The following PRIM2 variants were observed in gnomAD, a reference collection of about 807,000 sequenced individuals.
The protein encoded by PRIM2 is DNA primase subunit 2, also known as DNA primase large subunit.
In PRIM2, 39 loss-of-function variants were observed where a neutral mutation model predicts 67.3. The ratio of observed to expected loss-of-function variants is 0.58; its 90% CI spans 0.45 to 0.76. The LOEUF (loss-of-function observed/expected upper bound fraction) is 0.76. Ranked by LOEUF, PRIM2 falls within the 30% of genes least tolerant of loss-of-function variation. PRIM2 has a pLI of 0.00. For synonymous variants in PRIM2, 143 were observed against 198.7 expected (o/e 0.72, Z 2.36); for missense variants, 398 against 598.7 (o/e 0.66, Z 3.50).
chr6:57,301,570 G>A, the PRIM2 span, among the ~76,000 whole-genome samples: 1 of 152,282 alleles, frequency 6.6e-6, no homozygotes, highest in East Asian at 1.9e-4. Context: ...GGGAGGCCAA[G>A]GCAGGCGGAT....
intron 12 of PRIM2, among the ~76,000 whole-genome samples, chr6:57,609,689 C>G (rs1776630260): frequency 1.3e-5 from 2 of 152,052 alleles, no homozygotes; most frequent in African/African-American, 4.8e-5. Flanking sequence ...TTCACATTAC[C>G]CTTTAGACCT....
chr6:57,517,532 A>G (rs1774511692), intron 8 of PRIM2, among the ~76,000 whole-genome samples: 1 of 152,148 alleles, frequency 6.6e-6, no homozygotes, highest in Admixed American at 6.5e-5. Context: ...ATTTTATTTA[A>G]TTTTAATTAA....
chr6:57,338,246 C>A (rs1277164855), intron 5 of PRIM2, among the ~76,000 whole-genome samples: 1 of 152,058 alleles, frequency 6.6e-6, no homozygotes, highest in East Asian at 1.9e-4. Flanking sequence ...AGTCCAGGAC[C>A]AGATGGATTC....
At chr6:57,535,694 G>A (rs1398987007) in intron 9 of PRIM2, among the ~76,000 whole-genome samples, 50 of 152,062 alleles carry the variant, frequency 3.3e-4, no homozygotes, top group Non-Finnish European at 1.5e-4. Context: ...GTGAAACTCT[G>A]TCTCTACTAC....
intron 10 of PRIM2, among the ~76,000 whole-genome samples, chr6:57,561,943 C>G (rs1434459530): frequency 6.6e-6 from 1 of 152,026 alleles, no homozygotes; most frequent in Non-Finnish European, 1.5e-5. Flanking sequence ...CTTTTTTTCA[C>G]TTGGTCAGAG....
intron 13 of PRIM2, among the ~76,000 whole-genome samples, chr6:57,633,946 C>T (rs1777076540): frequency 6.6e-6 from 1 of 152,174 alleles, no homozygotes; most frequent in South Asian, 2.1e-4. Flanking sequence ...TTAATGTATA[C>T]CAGGCACAGC....
chr6:57,268,908 T>A, the PRIM2 span, among the ~76,000 whole-genome samples: 2 of 151,422 alleles, frequency 1.3e-5, no homozygotes, highest in African/African-American at 4.9e-5. Flanking sequence ...CTTGCGATAG[T>A]TTACTGAGAA....
chr6:57,612,170 G>A (rs1776679162), intron 12 of PRIM2, among the ~76,000 whole-genome samples: 1 of 152,188 alleles, frequency 6.6e-6, no homozygotes, highest in African/African-American at 2.4e-5. Flanking sequence ...TTGAAAAGGA[G>A]TGTGGCAATT....
intron 8 of PRIM2, among the ~76,000 whole-genome samples, chr6:57,530,081 C>G (rs1392864823): frequency 6.6e-6 from 1 of 152,108 alleles, no homozygotes; most frequent in Admixed American, 6.5e-5. Flanking sequence ...TCCATTAATC[C>G]CACCTCTCAA....
At chr6:57,537,675 C>T in intron 10 of PRIM2, 50 bp downstream of exon 10, 2 of 1,198,990 alleles carry the variant, frequency 1.7e-6, no homozygotes, top group Non-Finnish European at 2.2e-6. Flanking sequence ...TTAATTTGGT[C>T]TGAAAATGAA....
intron 5 of PRIM2, among the ~76,000 whole-genome samples, chr6:57,336,522 T>G (rs1768253953): frequency 6.6e-6 from 1 of 152,074 alleles, no homozygotes; most frequent in Non-Finnish European, 1.5e-5. Flanking sequence ...CGGCACAAAC[T>G]CTCCAAGCCA....
At chr6:57,335,430 C>G (rs1768201548) in intron 5 of PRIM2, among the ~76,000 whole-genome samples, 1 of 152,156 alleles carries the variant, frequency 6.6e-6, no homozygotes, top group Non-Finnish European at 1.5e-5. Flanking sequence ...AACAGAAAGA[C>G]AGCAGTAACC....
At chr6:57,473,872 T>G (rs1213216975) in intron 7 of PRIM2, among the ~76,000 whole-genome samples, 1 of 152,054 alleles carries the variant, frequency 6.6e-6, no homozygotes, top group Non-Finnish European at 1.5e-5. Context: ...GACCTGCTTT[T>G]CAGTGGGGCT....
intron 10 of PRIM2, among the ~76,000 whole-genome samples, chr6:57,585,129 TAGAG>T (rs1281564339): frequency 5.9e-5 from 9 of 152,272 alleles, no homozygotes; most frequent in Admixed American, 4.6e-4. Flanking sequence ...TATGAGGAGT[TAGAG>T]AGAGTAACTA....
At chr6:57,626,177 T>C (rs1477382846) in intron 12 of PRIM2, among the ~76,000 whole-genome samples, 96 of 152,368 alleles carry the variant, frequency 6.3e-4, no homozygotes, top group African/African-American at 2.1e-3. Context: ...GGCAGGTGGC[T>C]GCATTCTGCT....
chr6:57,301,379 C>T, the PRIM2 span, among the ~76,000 whole-genome samples: 132 of 152,218 alleles, frequency 8.7e-4, no homozygotes, highest in African/African-American at 3.0e-3. Context: ...CCCAGCTACT[C>T]GGTAGGCTGC....
chr6:57,293,532 C>T, the PRIM2 span, among the ~76,000 whole-genome samples: 1 of 152,158 alleles, frequency 6.6e-6, no homozygotes, highest in East Asian at 1.9e-4. Flanking sequence ...AAGACACATT[C>T]ACATGTATAT....
chr6:57,318,623 G>C (rs1257594431), intron 2 of PRIM2, 24 bp downstream of exon 2: 2 of 1,508,256 alleles, frequency 1.3e-6, no homozygotes, highest in Non-Finnish European at 1.8e-6. Flanking sequence ...AAATTAGAAT[G>C]TATATATTCT....
intron 7 of PRIM2, among the ~76,000 whole-genome samples, chr6:57,503,725 C>T (rs1190228673): frequency 6.6e-6 from 1 of 151,676 alleles, no homozygotes; most frequent in Non-Finnish European, 1.5e-5. Context: ...CACTGCACTC[C>T]AGCCTGGGTG....
Sources: allele counts gnomAD v4.1 joint callset (sites outside exome capture counted in the v4.1 genomes callset), GRCh38; gene constraint gnomAD v4.1.1; transcripts MANE v1.5; gene names NCBI Gene and HGNC (gene_info 2026-07-23, HGNC 2026-07-21).